LPAR6: variants seen among roughly 807,000 people sequenced by gnomAD.
LPAR6 encodes the protein lysophosphatidic acid receptor 6, also known as G-protein coupled purinergic receptor P2Y5.
Under a neutral mutation model 22.0 loss-of-function variants are expected in LPAR6, and 17 were observed. The observed-to-expected ratio is 0.77, with a 90% confidence interval of 0.53 to 1.16. The LOEUF (loss-of-function observed/expected upper bound fraction) is 1.16. Ranked by LOEUF, LPAR6 falls within the 50% of genes most tolerant of loss-of-function variation. The pLI, the probability that LPAR6 is intolerant of heterozygous loss-of-function variation, is 0.00. For missense variants in LPAR6, 384 were observed against 406.9 expected (o/e 0.94, Z 0.48); for synonymous variants, 136 against 139.8 (o/e 0.97, Z 0.19).
intron 1 of LPAR6, among the ~76,000 whole-genome samples, chr13:48,424,372 A>G (rs1319546782): frequency 6.6e-6 from 1 of 152,172 alleles, no homozygotes; most frequent in African/African-American, 2.4e-5. Context: ...CCCAAGTTCA[A>G]AGAGTTGAAC....
intron 2 of LPAR6, among the ~76,000 whole-genome samples, chr13:48,421,185 T>C (rs565094877): frequency 6.6e-6 from 1 of 152,090 alleles, no homozygotes; most frequent in South Asian, 2.1e-4. Flanking sequence ...CCAAAACAGA[T>C]ATATTGACCA....
intron 1 of LPAR6, among the ~76,000 whole-genome samples, chr13:48,399,216 G>T (rs2138176982): frequency 6.6e-6 from 1 of 151,998 alleles, no homozygotes; most frequent in South Asian, 2.1e-4. Context: ...TGGACCTGAG[G>T]TTTTTGTTGT....
chr13:48,400,822 C>T (rs1948685636), intron 1 of LPAR6, among the ~76,000 whole-genome samples: 1 of 152,088 alleles, frequency 6.6e-6, no homozygotes, highest in Admixed American at 6.6e-5. Context: ...ACCCTTCATT[C>T]CTTTTCCTCT....
intron 1 of LPAR6, among the ~76,000 whole-genome samples, chr13:48,436,186 T>A (rs532442196): frequency 1.3e-5 from 2 of 152,264 alleles, no homozygotes; most frequent in East Asian, 3.9e-4. Flanking sequence ...AGCTGGTTGG[T>A]GATGAAGGAA....
intron 1 of LPAR6, among the ~76,000 whole-genome samples, chr13:48,392,170 G>A (rs1948615719): frequency 6.6e-6 from 1 of 151,974 alleles, no homozygotes; most frequent in South Asian, 2.1e-4. Flanking sequence ...GAGTGCAGTG[G>A]CATGATCCCA....
chr13:48,442,680 T>C (rs908022133), intron 1 of LPAR6, among the ~76,000 whole-genome samples: 8 of 152,188 alleles, frequency 5.3e-5, no homozygotes, highest in African/African-American at 1.9e-4. Flanking sequence ...CTATTTTAGT[T>C]TAATTACATG....
intron 1 of LPAR6, among the ~76,000 whole-genome samples, chr13:48,394,625 A>G (rs1184997767): frequency 2.0e-5 from 3 of 152,188 alleles, no homozygotes; most frequent in Admixed American, 1.3e-4. Context: ...AAACAAAGCC[A>G]CCAGGAAGTT....
chr13:48,394,515 G>A (rs940378348), intron 1 of LPAR6, among the ~76,000 whole-genome samples: 3 of 152,144 alleles, frequency 2.0e-5, no homozygotes, highest in Non-Finnish European at 2.9e-5. Flanking sequence ...TGAAATTCTC[G>A]CTGCCATCAC....
At chr13:48,425,756 G>A (rs916667679) in intron 1 of LPAR6, among the ~76,000 whole-genome samples, 1 of 152,086 alleles carries the variant, frequency 6.6e-6, no homozygotes, top group African/African-American at 2.4e-5. Context: ...TTTGTAAAAG[G>A]AGAGTATTAA....
chr13:48,422,091 A>ATAG (rs1949014467), intron 2 of LPAR6, among the ~76,000 whole-genome samples: 2 of 152,232 alleles, frequency 1.3e-5, no homozygotes, highest in Admixed American at 6.5e-5. Context: ...AGCAGTATTT[A>ATAG]CAATAGCAAA....
chr13:48,435,772 C>A (rs1949177058), intron 1 of LPAR6, among the ~76,000 whole-genome samples: 2 of 152,018 alleles, frequency 1.3e-5, no homozygotes, highest in Non-Finnish European at 2.9e-5. Context: ...GAGTTGGGCA[C>A]CATGGATGTT....
chr13:48,390,652 A>G (rs1948604535), intron 1 of LPAR6, among the ~76,000 whole-genome samples: 1 of 152,156 alleles, frequency 6.6e-6, no homozygotes, highest in East Asian at 1.9e-4. Context: ...TAGGTGCATA[A>G]AGCATTAGAT....
chr13:48,395,353 G>A (rs1469033322), intron 1 of LPAR6, among the ~76,000 whole-genome samples: 1 of 152,108 alleles, frequency 6.6e-6, no homozygotes, highest in Non-Finnish European at 1.5e-5. Context: ...TCCAAAGAAT[G>A]ACAACTCCTC....
chr13:48,409,569 G>GTT (rs1948772358), downstream of LPAR6, among the ~76,000 whole-genome samples: 1 of 90,518 alleles, frequency 1.1e-5, no homozygotes, highest in African/African-American at 4.3e-5. Context: ...AGAACTGCTT[G>GTT]ATTTTTTTTT....
chr13:48,426,727 T>C (rs2138265504), intron 1 of LPAR6: 1 of 152,350 alleles, frequency 6.6e-6, no homozygotes, highest in East Asian at 1.9e-4. Context: ...TAGTCAAATG[T>C]TCTCGTAGTA....
At chr13:48,428,755 A>G (rs1003750656), upstream of LPAR6, among the ~76,000 whole-genome samples, 5 of 152,216 alleles carry the variant, frequency 3.3e-5, no homozygotes, top group African/African-American at 1.2e-4. Context: ...GCATTTGTAC[A>G]TAGTAATGTG....
chr13:48,431,050 A>T (rs916003431), upstream of LPAR6, among the ~76,000 whole-genome samples: 6 of 152,254 alleles, frequency 3.9e-5, no homozygotes, highest in Non-Finnish European at 8.8e-5. Flanking sequence ...TGGAATGAAA[A>T]CATCAGTCCA....
intron 1 of LPAR6, among the ~76,000 whole-genome samples, chr13:48,403,151 A>G (rs1304988000): frequency 6.6e-6 from 1 of 152,176 alleles, no homozygotes; most frequent in African/African-American, 2.4e-5. Context: ...TTGATGTAAA[A>G]ACACTATTTT....
intron 1 of LPAR6, among the ~76,000 whole-genome samples, chr13:48,441,624 T>C (rs1256577503): frequency 6.6e-6 from 1 of 152,224 alleles, no homozygotes; most frequent in Non-Finnish European, 1.5e-5. Context: ...TTAATAGTGT[T>C]GTTTAATTTT....
Sources: gnomAD v4.1 joint callset for allele counts (sites outside exome capture counted in the v4.1 genomes callset) on GRCh38, gnomAD v4.1.1 for gene constraint, MANE v1.5 for transcripts, NCBI Gene and HGNC (gene_info 2026-07-23, HGNC 2026-07-21) for gene names.